Variants in CDC14B observed in about 807,000 individuals in gnomAD.
CDC14B encodes dual specificity protein phosphatase CDC14B.
CDC14B carries 22 observed loss-of-function variants against 64.2 expected under a neutral mutation model. The ratio of observed to expected loss-of-function variants is 0.34; its 90% confidence interval spans 0.24 to 0.49. CDC14B has a LOEUF of 0.49. Among genes scored for constraint, CDC14B ranks in the 20% least tolerant of loss-of-function variants. The pLI is 0.99. For synonymous variants in CDC14B, 191 were observed against 215.8 expected (o/e 0.89, Z 1.01); for missense variants, 498 against 629.9 (o/e 0.79, Z 2.24).
intron 1 of CDC14B, among the ~76,000 whole-genome samples, chr9:96,581,531 A>T (rs953213356): frequency 1.8e-4 from 25 of 139,270 alleles, no homozygotes; most frequent in Non-Finnish European, 2.7e-4. Context: ...TTAAAAAATT[A>T]AAAAAAGACA....
chr9:96,606,332 CAAAAAAAAAA>C (rs772460843), intron 1 of CDC14B, among the ~76,000 whole-genome samples: 5 of 21,054 alleles, frequency 2.4e-4, no homozygotes, highest in Non-Finnish European at 6.3e-4. Context: ...GACTCCATCT[CAAAAAAAAAA>C]AAAAAAAAAA....
chr9:96,576,120 A>C (rs1243803515), intron 1 of CDC14B, among the ~76,000 whole-genome samples: 1 of 151,594 alleles, frequency 6.6e-6, no homozygotes, highest in Non-Finnish European at 1.5e-5. Flanking sequence ...AATACTAAAA[A>C]CAAAAAAATT....
chr9:96,606,527 T>TGTG (rs1846941875), intron 1 of CDC14B, among the ~76,000 whole-genome samples: 15 of 112,850 alleles, frequency 1.3e-4, no homozygotes, highest in South Asian at 7.0e-4. Flanking sequence ...TACTAAAAGT[T>TGTG]TGTGTGTGTG....
intron 1 of CDC14B, among the ~76,000 whole-genome samples, chr9:96,617,347 C>T (rs764302106): frequency 2.9e-4 from 44 of 152,166 alleles, no homozygotes; most frequent in Non-Finnish European, 5.0e-4. Flanking sequence ...ATTCCAATGA[C>T]TTTGCTGTCA....
At chr9:96,611,349 C>T (rs1018589257) in intron 1 of CDC14B, among the ~76,000 whole-genome samples, 2 of 152,164 alleles carry the variant, frequency 1.3e-5, no homozygotes, top group East Asian at 1.9e-4. Flanking sequence ...TTAGTTCCTG[C>T]GAACCAGTCT....
chr9:96,614,812 T>C (rs945707930), intron 1 of CDC14B, among the ~76,000 whole-genome samples: 7 of 152,170 alleles, frequency 4.6e-5, no homozygotes, highest in African/African-American at 1.7e-4. Flanking sequence ...AGCATCTTTT[T>C]AGCTTTAATG....
At chr9:96,552,520 A>C (rs768957714) in intron 4 of CDC14B, among the ~76,000 whole-genome samples, 10 of 149,268 alleles carry the variant, frequency 6.7e-5, no homozygotes, top group Non-Finnish European at 8.9e-5. Flanking sequence ...GACATTTTTT[A>C]TTTGACTACT....
chr9:96,552,417 C>T (rs1225137460), intron 4 of CDC14B, among the ~76,000 whole-genome samples: 1 of 152,234 alleles, frequency 6.6e-6, no homozygotes, highest in Non-Finnish European at 1.5e-5. Context: ...TATGCTTTGA[C>T]TTTAACCTGG....
intron 5 of CDC14B, among the ~76,000 whole-genome samples, chr9:96,544,159 A>G (rs1202577440): frequency 1.3e-5 from 2 of 151,996 alleles, no homozygotes; most frequent in African/African-American, 4.8e-5. Flanking sequence ...AGAGGTTGCA[A>G]TGAGCCAAGA....
rs370180008 is a variant in CDC14B, at chr9:96,547,975, G to A, written c.497+3821C>T. On this transcript the variant is annotated intron_variant, in intron 5 of 13. Transcript: ENST00000375241. ...TGAGTAGCTGGGACTATAGGCGCCC[G>A]CCACCACGCCTGGCTAATTTTTTGT... 3.1e-3 allele frequency among the ~76,000 whole-genome samples: 469 copies of A among 152,102 alleles called. 4 individuals carry two copies. Among genetic ancestry groups the A allele is most frequent in the African/African-American group, 0.01 (428 of 41,502 alleles).
intron 5 of CDC14B, among the ~76,000 whole-genome samples, chr9:96,545,759 A>G (rs927043029): frequency 4.6e-5 from 7 of 151,654 alleles, no homozygotes; most frequent in African/African-American, 1.7e-4. Flanking sequence ...CCCCGCTCCA[A>G]TCTGTGATGA....
At chr9:96,545,048 G>A (rs1290640608) in intron 5 of CDC14B, among the ~76,000 whole-genome samples, 2 of 152,110 alleles carry the variant, frequency 1.3e-5, no homozygotes, top group Non-Finnish European at 2.9e-5. Flanking sequence ...CAAAGTTCTC[G>A]GGATAGGGCC....
chr9:96,553,040 A>G (rs1051670908), intron 4 of CDC14B, among the ~76,000 whole-genome samples: 2 of 152,218 alleles, frequency 1.3e-5, no homozygotes, highest in African/African-American at 4.8e-5. Flanking sequence ...GTTGGGACCC[A>G]TGTCTTATGG....
At chr9:96,558,564 A>T (rs1482628972) in intron 4 of CDC14B, among the ~76,000 whole-genome samples, 1 of 152,230 alleles carries the variant, frequency 6.6e-6, no homozygotes, top group East Asian at 1.9e-4. Flanking sequence ...GATTTTTTAA[A>T]TTTCTCAAGA....
rs982891947 is a variant in CDC14B at position 96,543,327 on chromosome 9, C to G, written c.498-1435G>C. 4.0e-5 allele frequency among the ~76,000 whole-genome samples: 6 copies of G among 150,442 alleles called. No individual in the cohort carries two copies. The South Asian group carries it at 1.3e-3, about 31-fold the overall frequency. ...CCAGCCTGGGTGACAGAGCGAGACT[C>G]GAGACTCGTCTCAAAAAAAAAAAAA... On this transcript the variant is annotated intron_variant, in intron 5 of 13. Transcript: ENST00000375241.
At chr9:96,601,842 A>C (rs936237233) in intron 1 of CDC14B, among the ~76,000 whole-genome samples, 1 of 147,638 alleles carries the variant, frequency 6.8e-6, no homozygotes, top group African/African-American at 2.5e-5. Flanking sequence ...GGCTGATCAC[A>C]AGGTCAGGAG....
chr9:96,600,838 C>CA (rs1231642222), intron 1 of CDC14B, among the ~76,000 whole-genome samples: 2 of 152,068 alleles, frequency 1.3e-5, no homozygotes, highest in Non-Finnish European at 1.5e-5. Flanking sequence ...ACTATAACAG[C>CA]AATCCATGGC....
At position 96,525,586 on chromosome 9, in the gene CDC14B, C is replaced by G. The variant is rs749649821; in HGVS notation, c.947-1861G>C. ...ACCCTAGAGGGCCTGGAGGGCAGAG[C>G]GTGGAGCCAAAGAGGATGATTCTCT... On this transcript the variant is annotated intron_variant, in intron 9 of 13. Coordinates refer to ENST00000375241, the MANE Select transcript of CDC14B (RefSeq NM_033331.4). Among the ~76,000 whole-genome samples the G allele has an allele frequency of 3.9e-5, 6 of 152,290 alleles. No homozygotes were observed. The East Asian group carries it at 9.6e-4, about 24-fold the overall frequency.
chr9:96,540,371 G>A (rs546967631), intron 6 of CDC14B, among the ~76,000 whole-genome samples: 21 of 152,168 alleles, frequency 1.4e-4, no homozygotes, highest in South Asian at 1.0e-3. Flanking sequence ...GGTGGTGCAC[G>A]CCTGTAATCC....
Sources: gnomAD v4.1 joint callset for allele counts (sites outside exome capture counted in the v4.1 genomes callset) on GRCh38, gnomAD v4.1.1 for gene constraint, MANE v1.5 for transcripts, NCBI Gene and HGNC (gene_info 2026-07-23, HGNC 2026-07-21) for gene names.